NUMA1: variants seen among roughly 807,000 people sequenced by gnomAD.
The protein encoded by NUMA1 is nuclear mitotic apparatus protein 1, also known as SP-H antigen.
A neutral mutation model predicts 237.1 loss-of-function variants in NUMA1; 62 were observed. That is an observed-to-expected ratio of 0.26 (90% CI 0.21 to 0.32). The LOEUF is 0.32. Among genes scored for constraint, NUMA1 ranks in the 10% least tolerant of loss-of-function variants. The probability of loss-of-function intolerance (pLI) is 1.00; values close to 1 mark genes in which losing one functional copy is unlikely to be tolerated. For missense variants in NUMA1, 2,533 were observed against 2,666.5 expected, an observed-to-expected ratio of 0.95 and a Z score of 1.10; for synonymous variants, 1,028 against 1,066.1, an observed-to-expected ratio of 0.96 and a Z score of 0.70.
chr11:72,004,154 GTGCTGTGCCA>G, intron 25 of NUMA1, 55 bp from the exon 26 acceptor site: 1 of 1,609,448 alleles, frequency 6.2e-7, no homozygotes, highest in Admixed American at 1.7e-5. Context: ...CCAGGCCAGC[GTGCTGTGCCA>G]CGCTCTATCA....
At chr11:72,056,612 G>A (rs1042280748) in intron 2 of NUMA1, among the ~76,000 whole-genome samples, 29 of 120,750 alleles carry the variant, frequency 2.4e-4, no homozygotes, top group African/African-American at 9.4e-4. Flanking sequence ...GAGCCATCGC[G>A]CCTGACCAAG....
intron 5 of NUMA1, among the ~76,000 whole-genome samples, chr11:72,023,591 C>T (rs368045576): frequency 1.0e-3 from 154 of 152,250 alleles, no homozygotes; most frequent in African/African-American, 3.5e-3. Flanking sequence ...TTACTAACAC[C>T]TTACTTTATC....
intron 2 of NUMA1, among the ~76,000 whole-genome samples, chr11:72,036,752 T>A (rs947196000): frequency 1.3e-5 from 2 of 152,056 alleles, no homozygotes; most frequent in Non-Finnish European, 2.9e-5. Context: ...GTCCTGGTGT[T>A]CTCATCCCCA....
intron 3 of NUMA1, 36 bp from the exon 4 acceptor site, chr11:72,029,326 A>C: frequency 7.6e-7 from 1 of 1,321,896 alleles, no homozygotes; most frequent in Non-Finnish European, 1.0e-6. Context: ...TGAGACCGTT[A>C]GAAGCAACAT....
chr11:72,013,005 T>C lies in NUMA1; in HGVS notation c.4498A>G (p.Ser1500Gly), dbSNP rs1956254933. 6.2e-7 allele frequency: 1 copy of C among 1,614,114 alleles called. No individual in the cohort carries two copies. Among genetic ancestry groups the C allele is most frequent in the Non-Finnish European group, 8.5e-7 (1 of 1,180,024 alleles). The change falls in exon 15 of 27, where the codon AGC (serine) becomes GGC (glycine). Residue 1500 changes from serine (S) to glycine (G), a missense_variant. Around this residue, in one of 3 missense-constraint regions of NUMA1, gnomAD observed 324 missense variants for 407.6 expected, o/e 0.79. Coordinates refer to ENST00000393695, the MANE Select transcript of NUMA1 (RefSeq NM_006185.4). This position sits in a 1 kb window ranked among gnomAD's most constrained non-coding sequence, Gnocchi z 6.8. ...ATCACCTCCAGCTCCCGGGCAGTGCTCTGTGCTTCTCGCTGCACCTCAGCC... is the reference window on the plus strand; with the variant it reads ...ATCACCTCCAGCTCCCGGGCAGTGCCCTGTGCTTCTCGCTGCACCTCAGCC... ...RLAEVQREAQ[S>G]TARELEVMTA...
chr11:72,035,262 G>A (rs571286010), intron 3 of NUMA1, among the ~76,000 whole-genome samples: 41 of 152,194 alleles, frequency 2.7e-4, no homozygotes, highest in African/African-American at 8.0e-4. Context: ...TGAAGTAATC[G>A]GCAAGGCAAC....
chr11:72,079,981 C>G (rs1285899006), intron 1 of NUMA1, among the ~76,000 whole-genome samples: 2 of 152,118 alleles, frequency 1.3e-5, no homozygotes, highest in Non-Finnish European at 2.9e-5. Context: ...CCGGGCCAAG[C>G]TAAACATTAT....
intron 2 of NUMA1, among the ~76,000 whole-genome samples, chr11:72,045,005 G>A (rs1941915217): frequency 6.6e-6 from 1 of 152,008 alleles, no homozygotes; most frequent in South Asian, 2.1e-4. Flanking sequence ...CTGGTGATAA[G>A]AAAAATGTAA....
chr11:72,044,170 G>C (rs1941859989), intron 2 of NUMA1, among the ~76,000 whole-genome samples: 1 of 151,830 alleles, frequency 6.6e-6, no homozygotes, highest in African/African-American at 2.4e-5. Flanking sequence ...GTAAATGGCA[G>C]AAGTCTCTAC....
chr11:72,008,932 TAGG>T, intron 19 of NUMA1, 32 bp downstream of exon 19: 1 of 1,612,654 alleles, frequency 6.2e-7, no homozygotes, highest in East Asian at 2.2e-5. Context: ...TCCAGTGGAA[TAGG>T]AGTGAGGTGA....
chr11:72,059,583 T>C (rs1255803301), intron 2 of NUMA1, among the ~76,000 whole-genome samples: 1 of 152,194 alleles, frequency 6.6e-6, no homozygotes. Flanking sequence ...CTTAAACTTT[T>C]AAAAGCTTGA....
At chr11:72,063,812 G>A (rs1591070779) in intron 2 of NUMA1, among the ~76,000 whole-genome samples, 1 of 151,528 alleles carries the variant, frequency 6.6e-6, no homozygotes, top group Non-Finnish European at 1.5e-5. Flanking sequence ...AGCTACTCAG[G>A]AGGCTAAGGT....
Position 72,014,574 on chromosome 11 carries a change from T to G in NUMA1, c.2929A>C (p.Met977Leu), listed in dbSNP as rs1956380263. The G allele has an allele frequency of 1.2e-6, 2 of 1,604,314 alleles. No homozygotes were observed. Among genetic ancestry groups the G allele is most frequent in the Non-Finnish European group, 1.7e-6 (2 of 1,179,986 alleles). The change falls in exon 15 of 27, where the codon ATG (methionine) becomes CTG (leucine). Residue 977 changes from methionine (M) to leucine (L), a missense_variant. Met to Leu is a conservative substitution (Grantham distance 15). Around this residue, in one of 3 missense-constraint regions of NUMA1, gnomAD observed 1,414 missense variants for 1,508.1 expected, o/e 0.94. Coordinates refer to ENST00000393695, the MANE Select transcript of NUMA1 (RefSeq NM_006185.4). This position sits in a 1 kb window ranked among gnomAD's most constrained non-coding sequence, Gnocchi z 4.6. ...CGCAGCCGTTCCAGCTCATTGCCCA[T>G]CTGCTCTGCCTCCCGCTCCATAGCC... is the stretch of plus-strand genomic sequence containing the variant. ...LQAMEREAEQ[M>L]GNELERLRAA...
chr11:72,077,075 T>C (rs1164008832), intron 1 of NUMA1, among the ~76,000 whole-genome samples: 3 of 151,936 alleles, frequency 2.0e-5, no homozygotes, highest in Non-Finnish European at 4.4e-5. Flanking sequence ...AAGATAGATA[T>C]AAGGAAATTA....
intron 5 of NUMA1, chr11:72,024,015 G>T (rs1202711343): frequency 7.1e-6 from 3 of 422,070 alleles, no homozygotes; most frequent in Admixed American, 8.0e-5. Context: ...AAAGTGACAG[G>T]TCCCAAAAAG....
intron 2 of NUMA1, among the ~76,000 whole-genome samples, chr11:72,036,518 A>G (rs552395100): frequency 1.3e-5 from 2 of 152,336 alleles, no homozygotes; most frequent in South Asian, 4.1e-4. Context: ...TTAAGCAGAA[A>G]TGTTGATTTC....
chr11:72,069,313 T>G (rs184780419), intron 2 of NUMA1, among the ~76,000 whole-genome samples: 281 of 152,310 alleles, frequency 1.8e-3, no homozygotes, highest in Non-Finnish European at 1.4e-3. Flanking sequence ...GGTTAGGCAA[T>G]TTGTCCCTGG....
intron 12 of NUMA1, 122 bp from the exon 13 acceptor site, chr11:72,017,949 A>G (rs946559526): frequency 1.5e-4 from 185 of 1,210,612 alleles, no homozygotes; most frequent in Non-Finnish European, 2.1e-4. Context: ...TCTACAAACC[A>G]ATCACAGCCA....
rs749917495 is a variant in NUMA1, at chr11:72,003,545, GAGACAC to G, written c.6337-13_6337-8del. ...TGGCCCTTTAGTGCTTTGCCTGAAA[GAGACAC>G]AGTCACATGGCCAGATGAGAACTTG... On this transcript the variant is annotated splice_polypyrimidine_tract_variant and splice_region_variant and intron_variant, in intron 26 of 26. Coordinates refer to ENST00000393695, the MANE Select transcript of NUMA1 (RefSeq NM_006185.4). 3 of 1,614,180 alleles carry G rather than the reference GAGACAC, an allele frequency of 1.9e-6. No homozygotes were observed. Among genetic ancestry groups the G allele is most frequent in the Non-Finnish European group, 2.5e-6 (3 of 1,180,012 alleles).
Sources: allele counts gnomAD v4.1 joint callset (sites outside exome capture counted in the v4.1 genomes callset), GRCh38; gene constraint gnomAD v4.1.1; regional missense constraint gnomAD v4.1.1; non-coding constraint Gnocchi (gnomAD v3.1); transcripts MANE v1.5; gene names NCBI Gene and HGNC (gene_info 2026-07-23, HGNC 2026-07-21).